Variants in CACNA1A observed in about 807,000 individuals in gnomAD.
CACNA1A encodes voltage-dependent P/Q-type calcium channel subunit alpha-1A.
A neutral mutation model predicts 262.4 loss-of-function variants in CACNA1A; 57 were observed. The observed-to-expected ratio is 0.22, with a 90% CI of 0.18 to 0.27. The LOEUF (loss-of-function observed/expected upper bound fraction) is 0.27, where lower values mean the gene tolerates loss of function less well. CACNA1A is among the 10% of genes least tolerant of loss of function. CACNA1A has a pLI of 1.00. For synonymous variants in CACNA1A, 1,431 were observed against 1,419.3 expected, an observed-to-expected ratio of 1.01 and a Z score of -0.18; for missense variants, 2,526 against 3,562.8, an observed-to-expected ratio of 0.71 and a Z score of 7.41.
At chr19:13,277,218 A>C in intron 22 of CACNA1A, 90 bp from the exon 23 acceptor site, 1 of 871,148 alleles carries the variant, frequency 1.1e-6, no homozygotes, top group South Asian at 1.4e-5. Flanking sequence ...TGGGGAGCAG[A>C]GTTTCTACCC....
At chr19:13,419,231 C>G (rs1054720435) in intron 3 of CACNA1A, among the ~76,000 whole-genome samples, 10 of 152,240 alleles carry the variant, frequency 6.6e-5, no homozygotes, top group African/African-American at 2.4e-4. Context: ...GTATTCAAGA[C>G]AGTAACCTGC....
chr19:13,250,328 G>A (rs781143709), intron 30 of CACNA1A, among the ~76,000 whole-genome samples: 5 of 151,792 alleles, frequency 3.3e-5, no homozygotes, highest in Admixed American at 1.3e-4. Context: ...CCAAACTGCC[G>A]GGATTACAGG....
In CACNA1A at chr19:13,231,815, G is replaced by A. The variant is rs1227042358; in HGVS notation, c.5295C>T (p.Leu1765=). The A allele has an allele frequency of 1.2e-6, 2 of 1,613,780 alleles. No homozygotes were observed. Among genetic ancestry groups the A allele is most frequent in the Admixed American group, 3.3e-5 (2 of 60,010 alleles). The change falls in exon 35 of 47, where the codon CTC becomes CTT. Residue 1765 remains leucine, a synonymous_variant. Transcript: ENST00000360228. ...EAWHNIMLSC[L]SGKPCDKNSG... ...AGTTCTTATCACACGGTTTCCCGCT[G>A]AGGCAGGAAAGCATGATGTTGTGCC...
At chr19:13,245,127 C>A (rs2056192324) in intron 31 of CACNA1A, 55 bp downstream of exon 31, 3 of 1,415,660 alleles carry the variant, frequency 2.1e-6, no homozygotes, top group Non-Finnish European at 2.0e-6. Flanking sequence ...CCGCCCCCTG[C>A]CGCCTGCCTC....
Position 13,207,413 on chromosome 19 carries a change from T to C in CACNA1A, c.7421A>G (p.Asn2474Ser). The change falls in exon 47 of 47, where the codon AAC becomes AGC. Residue 2474 changes from asparagine (N) to serine (S), a missense_variant. By Grantham distance (46) the Asn-to-Ser change is conservative (BLOSUM62 1). Coordinates refer to ENST00000360228, the MANE Select transcript of CACNA1A (RefSeq NM_001127222.2). This position sits in a 1 kb window ranked among gnomAD's most constrained non-coding sequence, Gnocchi z 5.7. ...CAGTCCGTGCGCCGGGTAGTAGCCG[T>C]TGGGGAGTCGCCGGCCGTGCCGAGA... ...SPSRHGRRLPNGYYPAHGLAR... is the reference protein window; with the variant it reads ...SPSRHGRRLPSGYYPAHGLAR... The C allele has an allele frequency of 3.9e-6, 6 of 1,531,100 alleles. No individual in the cohort carries two copies. The highest frequency in any genetic ancestry group is 1.4e-5 in the African/African-American group (1 of 71,696). 94.8% of individuals were successfully genotyped at this position (1,531,100 alleles called of 1,614,324 possible).
chr19:13,412,728 C>T (rs1236698170), intron 3 of CACNA1A, among the ~76,000 whole-genome samples: 2 of 152,064 alleles, frequency 1.3e-5, no homozygotes, highest in Admixed American at 6.6e-5. Flanking sequence ...CTACCTGTCT[C>T]GGCCTCCCAA....
chr19:13,334,412 C>G lies in CACNA1A; in HGVS notation c.1164G>C (p.Glu388Asp). 6.2e-7 allele frequency: 1 copy of G among 1,610,082 alleles called. No individual in the cohort carries two copies. Among genetic ancestry groups the G allele is most frequent in the South Asian group, 1.1e-5 (1 of 91,010 alleles). The change falls in exon 8 of 47, where the codon GAG (glutamate) becomes GAC (aspartate). Residue 388 changes from glutamate (E) to aspartate (D), a missense_variant. Physicochemically the swap from Glu to Asp is conservative, Grantham distance 45 (BLOSUM62 2). Around this residue, in one of 17 missense-constraint regions of CACNA1A, gnomAD observed 104 missense variants for 127.6 expected, o/e 0.81. Coordinates refer to ENST00000360228, the MANE Select transcript of CACNA1A (RefSeq NM_001127222.2). ...AGATCCACTCCATGTACCCATTGAGCTCACGTTCAATCTGTTGTTGCCGCC... is the reference window on the plus strand; with the variant it reads ...AGATCCACTCCATGTACCCATTGAGGTCACGTTCAATCTGTTGTTGCCGCC... ...KLRRQQQIER[E>D]LNGYMEWISK...
Position 13,207,751 on chromosome 19 carries a change from G to A in CACNA1A, c.7083C>T (p.Ser2361=), listed in dbSNP as rs1237970913. The part of the protein sequence containing the change: ...GDRPPTGGHS[S]GRSPRMERRV... ...GCCTCTCCATCCTGGGCGAGCGGCC[G>A]CTGCTGTGGCCCCCCGTGGGCGGCC... Residue 2361 remains serine (S), a synonymous_variant, in exon 47 of 47, where the codon AGC becomes AGT. Coordinates refer to ENST00000360228, the MANE Select transcript of CACNA1A (RefSeq NM_001127222.2). This position sits in a 1 kb window ranked among gnomAD's most constrained non-coding sequence, Gnocchi z 5.7. The A allele has an allele frequency of 5.1e-6, 7 of 1,371,468 alleles. No homozygotes were observed. Among genetic ancestry groups the A allele is most frequent in the Middle Eastern group, 2.7e-4 (1 of 3,740 alleles). The allele number at this position is 1,371,468 out of a possible 1,614,324, so 85.0% of individuals were successfully genotyped here. A position where few individuals can be genotyped will look rare whatever the true frequency, so the allele number is the denominator to read the frequency against.
intron 3 of CACNA1A, chr19:13,450,390 A>G (rs2144923896): frequency 6.6e-6 from 1 of 152,176 alleles, no homozygotes; most frequent in South Asian, 2.1e-4. Flanking sequence ...TTTCATTCAG[A>G]TGTCACATGC....
At chr19:13,248,409 CAAA>C (rs61481896) in intron 30 of CACNA1A, among the ~76,000 whole-genome samples, 1 of 58,828 alleles carries the variant, frequency 1.7e-5, no homozygotes. Flanking sequence ...GATCCCATCT[CAAA>C]AAAAAAAAAA....
chr19:13,311,960 G>A (rs1278349711), intron 12 of CACNA1A, among the ~76,000 whole-genome samples: 3 of 152,166 alleles, frequency 2.0e-5, no homozygotes, highest in Admixed American at 2.0e-4. Context: ...ACTTATTTGC[G>A]AACAACCTTA....
At chr19:13,459,850 C>T (rs1477028486) in intron 1 of CACNA1A, among the ~76,000 whole-genome samples, 1 of 152,154 alleles carries the variant, frequency 6.6e-6, no homozygotes, top group Non-Finnish European at 1.5e-5. Context: ...GTCCACCATG[C>T]AGCATGCAGC....
chr19:13,344,802 T>C (rs1158501317), intron 6 of CACNA1A, among the ~76,000 whole-genome samples: 2 of 152,066 alleles, frequency 1.3e-5, no homozygotes, highest in East Asian at 3.9e-4. Flanking sequence ...TCGCCCAGAC[T>C]GGAGTGTGAT....
intron 3 of CACNA1A, among the ~76,000 whole-genome samples, chr19:13,392,722 C>A (rs1195184599): frequency 6.6e-6 from 1 of 151,670 alleles, no homozygotes; most frequent in East Asian, 1.9e-4. Context: ...GGGCAGTTTC[C>A]TTTCCTTCCT....
intron 3 of CACNA1A, chr19:13,452,247 G>A (rs568975480): frequency 6.6e-6 from 1 of 152,280 alleles, no homozygotes; most frequent in East Asian, 1.9e-4. Context: ...GGTGCTTAGA[G>A]GAAAGCATAT....
rs532268839 is a variant in CACNA1A, at chr19:13,206,944, G to GTTTTT, written c.*364_*368dup. 3 of 65,130 alleles carry GTTTTT rather than the reference G, an allele frequency of 4.6e-5. No individual in the cohort carries two copies. Among genetic ancestry groups the GTTTTT allele is most frequent in the African/African-American group, 1.3e-4 (2 of 15,862 alleles). 4.0% of individuals were successfully genotyped at this position (65,130 alleles called of 1,614,324 possible). ...TCTCCCCGTTTTTTCTTTTAAAAAT[G>GTTTTT]TTTTTTTTTTTTTTTTTTTTTTTTT... On this transcript the variant is annotated 3_prime_UTR_variant, in exon 47 of 47. Coordinates refer to ENST00000360228, the MANE Select transcript of CACNA1A (RefSeq NM_001127222.2).
rs1064796709 is a variant in CACNA1A at position 13,212,218 on chromosome 19, T to G, written c.6190-2A>C. The G allele has an allele frequency of 6.2e-7, 1 of 1,613,002 alleles. No homozygotes were observed. Among genetic ancestry groups the G allele is most frequent in the Non-Finnish European group, 8.5e-7 (1 of 1,179,074 alleles). ...GCCCATCTCTCGCATCTCCACGGACTGCGGAGCAGATGGCAAAGCCAGATG... is the reference window on the plus strand; with the variant it reads ...GCCCATCTCTCGCATCTCCACGGACGGCGGAGCAGATGGCAAAGCCAGATG... On this transcript the variant is annotated splice_acceptor_variant, in intron 42 of 46. Coordinates refer to ENST00000360228, the MANE Select transcript of CACNA1A (RefSeq NM_001127222.2). LOFTEE classifies it high-confidence loss of function. This position sits in a 1 kb window ranked among gnomAD's most constrained non-coding sequence, Gnocchi z 5.6.
At chr19:13,312,372 C>T (rs568527952) in intron 12 of CACNA1A, among the ~76,000 whole-genome samples, 9 of 152,226 alleles carry the variant, frequency 5.9e-5, no homozygotes, top group South Asian at 2.1e-4. Context: ...TTAGTTGGAG[C>T]GACACAGGCA....
Position 13,345,240 on chromosome 19 carries a change from A to C in CACNA1A, c.979-9331T>G, listed in dbSNP as rs1319542108. 2.6e-5 allele frequency among the ~76,000 whole-genome samples: 4 copies of C among 152,238 alleles called. 1 individual carries two copies. In the South Asian group the frequency reaches 8.3e-4, roughly 32 times the overall value. ...TTCCCGCCATCTCTGTGCCTGGTGG[A>C]TGGAGAAACTGAAGCTGAGAGAGGC... On this transcript the variant is annotated intron_variant, in intron 6 of 46. Transcript: ENST00000360228.
Sources: allele counts gnomAD v4.1 joint callset (sites outside exome capture counted in the v4.1 genomes callset), GRCh38; gene constraint gnomAD v4.1.1; regional missense constraint gnomAD v4.1.1; non-coding constraint Gnocchi (gnomAD v3.1); transcripts MANE v1.5; gene names NCBI Gene and HGNC (gene_info 2026-07-23, HGNC 2026-07-21).